The following CSAG3 variants were observed in gnomAD, a reference collection of about 807,000 sequenced individuals.
CSAG3 encodes the protein chondrosarcoma-associated gene 2/3 protein.
For synonymous variants in CSAG3, 4 were observed against 34.0 expected, an observed-to-expected ratio of 0.12 and a Z score of 3.07; for missense variants, 15 against 93.0, an observed-to-expected ratio of 0.16 and a Z score of 3.45.
upstream of CSAG3, chrX:152,758,948 C>T (rs1932613290): frequency 8.7e-6 from 1 of 114,768 alleles, no homozygotes; most frequent in Admixed American, 1.2e-4. Flanking sequence ...GGGCCATCTA[C>T]AAGCCACGAA....
At chrX:152,759,115 G>A, upstream of CSAG3, 1 of 264,367 alleles carries the variant, frequency 3.8e-6, no homozygotes, top group Non-Finnish European at 7.0e-6. Flanking sequence ...AACTTCAGGT[G>A]ACACAATTTT....
At chrX:152,758,790 G>A (rs1409941017), upstream of CSAG3, 1 of 93,195 alleles carries the variant, frequency 1.1e-5, no homozygotes, top group Non-Finnish European at 2.0e-5. Flanking sequence ...AAGTACTTTT[G>A]TGCCTACATG....
upstream of CSAG3, among the ~76,000 whole-genome samples, chrX:152,757,639 A>C (rs868981481): frequency 1.9e-3 from 108 of 56,846 alleles, 16 homozygotes; most frequent in African/African-American, 1.0e-2. Context: ...ATATATATAT[A>C]TCCATTCACC....
upstream of CSAG3, chrX:152,758,829 T>TCTCTCTTTC (rs1932603172): frequency 1.8e-4 from 9 of 50,629 alleles, no homozygotes; most frequent in African/African-American, 6.5e-4. Flanking sequence ...CTCTCTCTCT[T>TCTCTCTTTC]TCTCTCTCTC....
chrX:152,758,861 C>G (rs1414096028), upstream of CSAG3: 1 of 95,817 alleles, frequency 1.0e-5, no homozygotes, highest in South Asian at 5.0e-4. Context: ...CTCTCTCTCT[C>G]TCTCTCTCTC....
At chrX:152,757,539 G>C (rs1344945559), upstream of CSAG3, among the ~76,000 whole-genome samples, 2 of 32,062 alleles carry the variant, frequency 6.2e-5, 1 homozygote, top group Non-Finnish European at 9.4e-5. Flanking sequence ...GAACTGAAGA[G>C]TCATGTATAA....
chrX:152,758,829 T>TCTTTCTCTCTCTCTCTCTCTCTC (rs1932603172), upstream of CSAG3: 2 of 50,631 alleles, frequency 4.0e-5, no homozygotes, highest in African/African-American at 1.4e-4. Context: ...CTCTCTCTCT[T>TCTTTCTCTCTCTCTCTCTCTCTC]TCTCTCTCTC....
upstream of CSAG3, among the ~76,000 whole-genome samples, chrX:152,757,716 A>G (rs1300762081): frequency 1.5e-4 from 4 of 26,747 alleles, no homozygotes; most frequent in African/African-American, 1.2e-3. Context: ...ATACATTCAT[A>G]TACAAATTTT....
chrX:152,758,829 T>TTCTCTCTCTCTCTCTCTCTCTCTCTCTC (rs1170908672), upstream of CSAG3: 26 of 50,640 alleles, frequency 5.1e-4, no homozygotes, highest in East Asian at 9.8e-4. Context: ...CTCTCTCTCT[T>TTCTCTCTCTCTCTCTCTCTCTCTCTCTC]TCTCTCTCTC....
upstream of CSAG3, chrX:152,758,835 C>CTT (rs1932605827): frequency 2.0e-4 from 10 of 49,783 alleles, no homozygotes; most frequent in African/African-American, 1.0e-3. Context: ...CTCTTTCTCT[C>CTT]TCTCTCTCTC....
chrX:152,759,818 C>T, intron 1 of CSAG3, 25 bp from the exon 2 acceptor site: 2 of 1,206,533 alleles, frequency 1.7e-6, no homozygotes, highest in Non-Finnish European at 2.2e-6. Flanking sequence ...CAGTGCCCTT[C>T]TTTGATCTCC....
upstream of CSAG3, chrX:152,758,829 T>TCTCTCTC (rs1932603172): frequency 1.6e-4 from 8 of 50,637 alleles, no homozygotes; most frequent in African/African-American, 3.6e-4. Flanking sequence ...CTCTCTCTCT[T>TCTCTCTC]TCTCTCTCTC....
chrX:152,757,609 ATATATATATATATATG>A (rs1290354188), upstream of CSAG3, among the ~76,000 whole-genome samples: 125 of 44,616 alleles, frequency 2.8e-3, 18 homozygotes, highest in East Asian at 9.5e-3. Flanking sequence ...GTCTGGTTAT[ATATATATATATATATG>A]TATATATATA....
chrX:152,758,829 T>TC (rs1932603172), upstream of CSAG3: 24 of 51,156 alleles, frequency 4.7e-4, no homozygotes, highest in South Asian at 1.3e-3. Flanking sequence ...CTCTCTCTCT[T>TC]TCTCTCTCTC....
upstream of CSAG3, chrX:152,758,829 T>TCTTTCTCTCTCTCTC (rs1932603172): frequency 1.6e-4 from 8 of 50,642 alleles, no homozygotes; most frequent in African/African-American, 5.0e-4. Flanking sequence ...CTCTCTCTCT[T>TCTTTCTCTCTCTCTC]TCTCTCTCTC....
upstream of CSAG3, chrX:152,758,888 TCTCTCTGCA>T: frequency 1.2e-5 from 1 of 80,074 alleles, no homozygotes; most frequent in Middle Eastern, 6.5e-3. Flanking sequence ...TCTTTCTCTC[TCTCTCTGCA>T]CATGCACAGA....
chrX:152,759,166 A>T (rs1255357701), upstream of CSAG3: 17 of 272,010 alleles, frequency 6.2e-5, no homozygotes, highest in Non-Finnish European at 1.1e-4. Flanking sequence ...TAATTTTGAC[A>T]TTTAAAGTCT....
upstream of CSAG3, chrX:152,759,202 G>A (rs1932619390): frequency 3.3e-6 from 1 of 298,669 alleles, no homozygotes; most frequent in South Asian, 4.1e-5. Flanking sequence ...TTACATTTCT[G>A]TATGGTGCAA....
Position 152,759,382 on chromosome X carries a change from CCTCATCCA to C in CSAG3, c.13_20del (p.Leu5IlefsTer3), listed in dbSNP as rs1255665546. 1.7e-5 allele frequency: 12 copies of C among 711,519 alleles called. No homozygotes were observed. Among genetic ancestry groups the C allele is most frequent in the African/African-American group, 1.7e-4 (8 of 47,573 alleles). The allele number at this position is 711,519 out of a possible 1,213,427, so 58.6% of individuals were successfully genotyped here. On this transcript the variant is annotated frameshift_variant, in exon 1 of 2. Coordinates refer to ENST00000599845, the Ensembl canonical transcript of CSAG3. LOFTEE classifies it high-confidence loss of function. ...GTTTAACTTCCATAATGTGGATGGG[CCTCATCCA>C]ATTAGTTGAAGGTGTTAAGAGAAAA...
Sources: gnomAD v4.1 joint callset for allele counts (sites outside exome capture counted in the v4.1 genomes callset) on GRCh38, gnomAD v4.1.1 for gene constraint, MANE v1.5 for transcripts, NCBI Gene and HGNC (gene_info 2026-07-23, HGNC 2026-07-21) for gene names.